The following GRAMD1A variants were observed in gnomAD, a reference collection of about 807,000 sequenced individuals.
GRAMD1A encodes the protein GRAM domain containing 1A.
In GRAMD1A, 50 loss-of-function variants were observed where a neutral mutation model predicts 92.0. That is an observed-to-expected ratio of 0.54 (90% CI 0.43 to 0.69). GRAMD1A has a LOEUF of 0.69. Ranked by LOEUF, GRAMD1A falls within the 30% of genes least tolerant of loss-of-function variation. The pLI, the probability that GRAMD1A is intolerant of heterozygous loss-of-function variation, is 0.00. For synonymous variants in GRAMD1A, 405 were observed against 403.6 expected, an observed-to-expected ratio of 1.00 and a Z score of -0.04; for missense variants, 819 against 978.9, an observed-to-expected ratio of 0.84 and a Z score of 2.18.
intron 1 of GRAMD1A, among the ~76,000 whole-genome samples, chr19:35,003,347 A>G (rs1484925432): frequency 6.6e-6 from 1 of 152,090 alleles, no homozygotes; most frequent in Non-Finnish European, 1.5e-5. Flanking sequence ...GGGCCTAGGA[A>G]GTTGGAGGTC....
In GRAMD1A at chr19:35,021,837, T is replaced by G; in HGVS notation, c.1726T>G (p.Cys576Gly). Residue 576 changes from cysteine (C) to glycine (G), a missense_variant, in exon 15 of 20, where the codon TGT (cysteine) becomes GGT (glycine). Physicochemically the swap from Cys to Gly is radical, Grantham distance 159. Coordinates refer to ENST00000317991, the MANE Select transcript of GRAMD1A (RefSeq NM_020895.5). The surrounding 1 kb of genome is among the most constrained non-coding windows in gnomAD (Gnocchi z 5.3). The stretch of plus-strand genomic sequence containing the variant: ...GCCCCAGCACCCAGATCCTGACCCC[T>G]GTGCCCGGGCCGGCATTCACACCTC... ...DGPQHPDPDP[C>G]ARAGIHTSGS... 6.2e-7 allele frequency: 1 copy of G among 1,604,330 alleles called. No homozygotes were observed. Among genetic ancestry groups the G allele is most frequent in the Non-Finnish European group, 8.5e-7 (1 of 1,174,570 alleles).
chr19:35,018,197 A>G (rs2015778825), intron 11 of GRAMD1A, among the ~76,000 whole-genome samples: 1 of 152,046 alleles, frequency 6.6e-6, no homozygotes, highest in South Asian at 2.1e-4. Flanking sequence ...CGTGTTGGCC[A>G]GGCTGGTTTC....
intron 1 of GRAMD1A, chr19:35,005,974 T>A (rs1246396517): frequency 2.2e-6 from 1 of 456,030 alleles, no homozygotes; most frequent in Admixed American, 2.3e-5. Context: ...GTGGAGGGAA[T>A]CCCACCTGCA....
chr19:35,014,964 T>C (rs112065421), intron 10 of GRAMD1A: 4,931 of 157,016 alleles, frequency 0.031, 266 homozygotes, highest in African/African-American at 0.11. Context: ...GCCAAGAGTT[T>C]GAGACAAGCC....
In GRAMD1A at chr19:35,019,433, G is replaced by T; in HGVS notation, c.1375G>T (p.Asp459Tyr). ...CCCCCAGGCCGGCGGGTGTGTGGTGGACTCCGAGGTGCTGACGCAGGGCAT... is the reference window on the plus strand; with the variant it reads ...CCCCCAGGCCGGCGGGTGTGTGGTGTACTCCGAGGTGCTGACGCAGGGCAT... Reference protein sequence around the residue: ...RGPQAGGCVVDSEVLTQGIPY... With the variant: ...RGPQAGGCVVYSEVLTQGIPY... Residue 459 changes from aspartate (D) to tyrosine (Y), a missense_variant, in exon 13 of 20, where the codon GAC (aspartate) becomes TAC (tyrosine). Asp to Tyr is a radical substitution (Grantham distance 160). Coordinates refer to ENST00000317991, the MANE Select transcript of GRAMD1A (RefSeq NM_020895.5). The T allele has an allele frequency of 2.5e-6, 4 of 1,613,892 alleles. No individual in the cohort carries two copies. The South Asian group carries it at 4.4e-5, about 18-fold the overall frequency.
At chr19:35,006,756 G>A (rs914552555) in intron 1 of GRAMD1A, among the ~76,000 whole-genome samples, 14 of 152,206 alleles carry the variant, frequency 9.2e-5, no homozygotes, top group African/African-American at 3.1e-4. Flanking sequence ...CTAGGGACCC[G>A]GTGGTAACCA....
chr19:35,006,474 T>A (rs1395408839), intron 1 of GRAMD1A, among the ~76,000 whole-genome samples: 3 of 152,248 alleles, frequency 2.0e-5, no homozygotes, highest in African/African-American at 7.2e-5. Flanking sequence ...TACGGAGAGC[T>A]TGACATATTT....
intron 19 of GRAMD1A, 66 bp downstream of exon 19, chr19:35,023,613 C>T (rs986153320): frequency 1.4e-6 from 2 of 1,445,548 alleles, no homozygotes; most frequent in South Asian, 1.4e-5. Flanking sequence ...TGAAACCCCA[C>T]CGTGCGGCAG....
Position 35,021,637 on chromosome 19 carries a change from T to G in GRAMD1A, c.1579+32T>G. 6.2e-7 allele frequency: 1 copy of G among 1,613,266 alleles called. No individual in the cohort carries two copies. The highest frequency in any genetic ancestry group is 1.1e-5 in the South Asian group (1 of 91,072). On this transcript the variant is annotated intron_variant, in intron 14 of 19. Coordinates refer to ENST00000317991, the MANE Select transcript of GRAMD1A (RefSeq NM_020895.5). The surrounding 1 kb of genome is among the most constrained non-coding windows in gnomAD (Gnocchi z 5.3). ...ACAGAAGGCCGGCTGGGGCGTGGGT[T>G]GGGGGATGGCCTGGCCAGGTATGGA...
rs1324117832 is a variant in GRAMD1A at position 35,021,230 on chromosome 19, G to T, written c.1476-272G>T. On this transcript the variant is annotated intron_variant, in intron 13 of 19. Coordinates refer to ENST00000317991, the MANE Select transcript of GRAMD1A (RefSeq NM_020895.5). The surrounding 1 kb of genome is among the most constrained non-coding windows in gnomAD (Gnocchi z 5.3). Reference sequence around the variant, plus strand: ...TGGTCTGGTTAAGACGTCAGTCTGTGAGTAGACAGGGCTCAGGCCGCCGGG... The same window carrying T: ...TGGTCTGGTTAAGACGTCAGTCTGTTAGTAGACAGGGCTCAGGCCGCCGGG... Among the ~76,000 whole-genome samples, 1 of 152,212 alleles carries T rather than the reference G, an allele frequency of 6.6e-6. No individual in the cohort carries two copies. The highest frequency in any genetic ancestry group is 2.4e-5 in the African/African-American group (1 of 41,452).
At chr19:35,024,037 A>G (rs1305935003) in intron 19 of GRAMD1A, among the ~76,000 whole-genome samples, 1 of 152,198 alleles carries the variant, frequency 6.6e-6, no homozygotes, top group Non-Finnish European at 1.5e-5. Context: ...ACATGGTCTG[A>G]AGGGGAGAGA....
chr19:35,010,646 C>T, intron 6 of GRAMD1A: 1 of 588,820 alleles, frequency 1.7e-6, no homozygotes, highest in East Asian at 2.8e-5. Flanking sequence ...CCTCAGCCGC[C>T]CCTCCCTTCG....
At chr19:35,009,555 C>T in intron 3 of GRAMD1A, 112 bp downstream of exon 3, 1 of 1,082,670 alleles carries the variant, frequency 9.2e-7, no homozygotes, top group Non-Finnish European at 1.4e-6. Flanking sequence ...TGGGTGCAGA[C>T]CTAGGGTCAC....
chr19:35,014,707 C>T, intron 10 of GRAMD1A: 1 of 395,534 alleles, frequency 2.5e-6, no homozygotes, highest in Non-Finnish European at 4.8e-6. Flanking sequence ...ATGATAATAC[C>T]CACTTCATAG....
At chr19:35,001,756 TGCC>T (rs2014390446) in intron 1 of GRAMD1A, among the ~76,000 whole-genome samples, 4 of 152,116 alleles carry the variant, frequency 2.6e-5, no homozygotes, top group Non-Finnish European at 5.9e-5. Flanking sequence ...TACAGGCGTG[TGCC>T]ACCACGCCTG....
In GRAMD1A at chr19:35,013,819, TGGAG is replaced by T. The variant is rs2015427232; in HGVS notation, c.870+130_870+133del. The T allele has an allele frequency of 1.1e-6, 1 of 916,516 alleles. No homozygotes were observed. Among genetic ancestry groups the T allele is most frequent in the East Asian group, 2.6e-5 (1 of 39,042 alleles). 56.8% of individuals were successfully genotyped at this position (916,516 alleles called of 1,614,324 possible). On this transcript the variant is annotated intron_variant, in intron 9 of 19. Coordinates refer to ENST00000317991, the MANE Select transcript of GRAMD1A (RefSeq NM_020895.5). This position sits in a 1 kb window ranked among gnomAD's most constrained non-coding sequence, Gnocchi z 4.9. ...GATAGGGGGACAGGGGAGGCCTGGA[TGGAG>T]GAACAGGACAGGGAGGGGAAGACGG...
At chr19:35,009,652 C>T (rs939487968) in intron 3 of GRAMD1A, 2 of 651,144 alleles carry the variant, frequency 3.1e-6, no homozygotes, top group South Asian at 1.8e-5. Flanking sequence ...GAAACAGCCC[C>T]ACCTTACAAG....
chr19:35,016,963 G>A (rs551367919), intron 11 of GRAMD1A, among the ~76,000 whole-genome samples: 27 of 147,966 alleles, frequency 1.8e-4, no homozygotes, highest in African/African-American at 6.5e-4. Flanking sequence ...TGTCAGCCCA[G>A]AAGTTGGAGA....
At position 35,021,916 on chromosome 19, in the gene GRAMD1A, A is replaced by G. The variant is rs754068023; in HGVS notation, c.1754-35A>G. On this transcript the variant is annotated intron_variant, in intron 15 of 19. Transcript: ENST00000317991. The surrounding 1 kb of genome is among the most constrained non-coding windows in gnomAD (Gnocchi z 5.3). ...GTAGGCGGAGGATCGGGGGTCCTGG[A>G]CTGGGCCATCTGACTCCAAGCTGCT... The G allele has an allele frequency of 3.1e-6, 5 of 1,612,436 alleles. No individual in the cohort carries two copies. Among genetic ancestry groups the G allele is most frequent in the East Asian group, 2.2e-5 (1 of 44,836 alleles).
Sources: allele counts gnomAD v4.1 joint callset (sites outside exome capture counted in the v4.1 genomes callset), GRCh38; gene constraint gnomAD v4.1.1; non-coding constraint Gnocchi (gnomAD v3.1); transcripts MANE v1.5; gene names NCBI Gene and HGNC (gene_info 2026-07-23, HGNC 2026-07-21).